The following CDK13 variants were observed in gnomAD, a reference collection of about 807,000 sequenced individuals.
CDK13 encodes cyclin-dependent kinase 13.
CDK13 carries 40 observed loss-of-function variants against 137.6 expected under a neutral mutation model. The ratio of observed to expected loss-of-function variants is 0.29; its 90% CI spans 0.23 to 0.38. The LOEUF is 0.38. Ranked by LOEUF, CDK13 falls within the 10% of genes least tolerant of loss-of-function variation. CDK13 has a pLI of 1.00. For synonymous variants in CDK13, 869 were observed against 760.1 expected (o/e 1.14, Z -2.36); for missense variants, 1,704 against 1,951.8 (o/e 0.87, Z 2.39).
At position 40,088,249 on chromosome 7, in the gene CDK13, G is replaced by A; in HGVS notation, c.3153G>A (p.Leu1051=). ...CCAGGAAGGACTTGTCTCTGGGCTT[G>A]GATGACAGCAGAACCAACACACCCC... ...KAPRKDLSLG[L]DDSRTNTPQG... Residue 1051 remains leucine, a synonymous_variant, in exon 12 of 14, where the codon TTG becomes TTA. Coordinates refer to ENST00000181839, the MANE Select transcript of CDK13 (RefSeq NM_003718.5). 1.2e-6 allele frequency: 2 copies of A among 1,613,940 alleles called. No individual in the cohort carries two copies. The highest frequency in any genetic ancestry group is 1.7e-6 in the Non-Finnish European group (2 of 1,179,906).
rs141274344 is a variant in CDK13 at position 40,037,552 on chromosome 7, T to A, written c.2354-8284T>A. ...GACCTAGACTTGGAAGTCACATCAT[T>A]CACTCTCCAATATTCTGTTGGTCAC... On this transcript the variant is annotated intron_variant, in intron 5 of 13. Coordinates refer to ENST00000181839, the MANE Select transcript of CDK13 (RefSeq NM_003718.5). Among the ~76,000 whole-genome samples, 7 of 152,324 alleles carry A rather than the reference T, an allele frequency of 4.6e-5. No homozygotes were observed. In the East Asian group the frequency reaches 1.2e-3, roughly 25 times the overall value.
At chr7:39,998,030 T>C in intron 3 of CDK13, 2 of 173,406 alleles carry the variant, frequency 1.2e-5, no homozygotes, top group South Asian at 2.7e-4. Context: ...AGCTGCTGTT[T>C]CCTTTGCTTT....
chr7:40,012,741 G>A (rs145215114), intron 5 of CDK13, among the ~76,000 whole-genome samples: 3 of 152,034 alleles, frequency 2.0e-5, no homozygotes, highest in Non-Finnish European at 2.9e-5. Context: ...GTGCAACCCC[G>A]TCTCTACTAA....
At chr7:40,042,961 G>T (rs878785) in intron 5 of CDK13, among the ~76,000 whole-genome samples, 40,604 of 151,698 alleles carry the variant, frequency 0.27, 6,559 homozygotes, top group Middle Eastern at 0.45. Context: ...AATTTCTGTA[G>T]AGACAGGATC....
intron 11 of CDK13, chr7:40,085,612 TAGAA>T (rs1314862844): frequency 4.6e-5 from 7 of 152,534 alleles, no homozygotes; most frequent in African/African-American, 1.7e-4. Flanking sequence ...TACAAACACT[TAGAA>T]AGGAAATTCT....
Position 40,078,845 on chromosome 7 carries a change from C to T in CDK13, c.3023C>T (p.Pro1008Leu). 1 of 1,418,978 alleles carries T rather than the reference C, an allele frequency of 7.0e-7. No homozygotes were observed. The highest frequency in any genetic ancestry group is 2.7e-5 in the East Asian group (1 of 37,022). The allele number at this position is 1,418,978 out of a possible 1,614,324, so 87.9% of individuals were successfully genotyped here. ...GATGTGGAACCCTCAAAAATGCCTC[C>T]ACCAGAGTAAGTGACTTTTTATCCT... ...LRDVEPSKMP[P>L]PDLPLWQDCH... The change falls in exon 11 of 14, where the codon CCA becomes CTA. Residue 1008 changes from proline (P) to leucine (L), a missense_variant. Coordinates refer to ENST00000181839, the MANE Select transcript of CDK13 (RefSeq NM_003718.5).
At position 39,987,823 on chromosome 7, in the gene CDK13, C is replaced by T. The variant is rs752842739; in HGVS notation, c.1436C>T (p.Ala479Val). Residue 479 changes from alanine to valine, a missense_variant, in exon 2 of 14, where the codon GCT becomes GTT. Physicochemically the swap from Ala to Val is moderately conservative, Grantham distance 64. Coordinates refer to ENST00000181839, the MANE Select transcript of CDK13 (RefSeq NM_003718.5). ...GCGAAAGCTGCAGAAGCAACTAAGG[C>T]TGCTGAGGCTGCTGCCAAGGCTGCA... ...EAAKAAEATK[A>V]AEAAAKAAKA... is the part of the protein sequence containing the mutation. 3 of 1,614,114 alleles carry T rather than the reference C, an allele frequency of 1.9e-6. No homozygotes were observed. The highest frequency in any genetic ancestry group is 2.5e-6 in the Non-Finnish European group (3 of 1,180,008).
intron 12 of CDK13, chr7:40,092,109 C>CA (rs140528194): frequency 0.12 from 16,920 of 141,088 alleles, 1,048 homozygotes; most frequent in Middle Eastern, 0.17. Context: ...CCCAAAGTTA[C>CA]AAAAAAAAAA....
At chr7:40,008,375 C>T (rs531913258) in intron 5 of CDK13, among the ~76,000 whole-genome samples, 1 of 152,226 alleles carries the variant, frequency 6.6e-6, no homozygotes, top group Admixed American at 6.5e-5. Context: ...GAATAATGTC[C>T]ATCTAAATAC....
intron 2 of CDK13, among the ~76,000 whole-genome samples, chr7:39,990,291 T>G (rs1372296234): frequency 6.6e-6 from 1 of 152,144 alleles, no homozygotes; most frequent in African/African-American, 2.4e-5. Context: ...TGTTGTCTCT[T>G]CTTTCTTTGA....
At chr7:40,081,464 T>C (rs1786661037) in intron 11 of CDK13, among the ~76,000 whole-genome samples, 2 of 152,204 alleles carry the variant, frequency 1.3e-5, no homozygotes, top group African/African-American at 4.8e-5. Context: ...GTTGAGCAGT[T>C]GTACGTTGTT....
chr7:39,954,826 C>T (rs1301364762), intron 1 of CDK13, among the ~76,000 whole-genome samples: 1 of 152,106 alleles, frequency 6.6e-6, no homozygotes, highest in African/African-American at 2.4e-5. Flanking sequence ...ACCATGTTGC[C>T]CAGGCTGGTG....
At chr7:39,983,510 A>G (rs1297000165) in intron 1 of CDK13, among the ~76,000 whole-genome samples, 1 of 152,262 alleles carries the variant, frequency 6.6e-6, no homozygotes, top group East Asian at 1.9e-4. Flanking sequence ...GTTCAGAAGA[A>G]TGAATTGTGT....
At chr7:40,082,823 G>A (rs1227629928) in intron 11 of CDK13, among the ~76,000 whole-genome samples, 3 of 151,478 alleles carry the variant, frequency 2.0e-5, no homozygotes, top group Admixed American at 6.6e-5. Flanking sequence ...ATTTTAGGCC[G>A]GGTGCAGTGG....
At chr7:40,044,667 C>T (rs966169403) in intron 5 of CDK13, among the ~76,000 whole-genome samples, 8 of 151,522 alleles carry the variant, frequency 5.3e-5, no homozygotes, top group African/African-American at 1.2e-4. Flanking sequence ...GACGGAGTCT[C>T]GCTCTGTCAC....
At position 39,976,321 on chromosome 7, in the gene CDK13, TCTCACACACA is replaced by T. The variant is rs1435281241; in HGVS notation, c.1212-11276_1212-11267del. Reference sequence around the variant, plus strand: ...CTCTCTCTCTCTCTCTCTCTCTCTCTCTCACACACACACACACACACACACACACACACAC... The same window carrying T: ...CTCTCTCTCTCTCTCTCTCTCTCTCTCACACACACACACACACACACACAC... On this transcript the variant is annotated intron_variant, in intron 1 of 13. Coordinates refer to ENST00000181839, the MANE Select transcript of CDK13 (RefSeq NM_003718.5). Among the ~76,000 whole-genome samples, 29 of 36,010 alleles carry T rather than the reference TCTCACACACA, an allele frequency of 8.1e-4. No homozygotes were observed. The Middle Eastern group carries it at 0.052, about 64-fold the overall frequency. 23.6% of individuals were successfully genotyped at this position (36,010 alleles called of 152,430 possible). A position where few individuals can be genotyped will look rare whatever the true frequency, so the allele number is the denominator to read the frequency against.
chr7:40,054,766 G>A (rs1421220809), intron 7 of CDK13, among the ~76,000 whole-genome samples: 3 of 152,092 alleles, frequency 2.0e-5, no homozygotes, highest in Non-Finnish European at 4.4e-5. Context: ...AATCACTTAA[G>A]GTTTAAGGAA....
intron 1 of CDK13, among the ~76,000 whole-genome samples, chr7:39,957,347 T>C (rs1026819089): frequency 2.9e-5 from 3 of 102,184 alleles, no homozygotes; most frequent in African/African-American, 8.5e-5. Context: ...TTGTAGAGTT[T>C]TAAAAAATTC....
At chr7:40,018,114 A>ACAAAAACATTT (rs1785040753) in intron 5 of CDK13, among the ~76,000 whole-genome samples, 1 of 152,002 alleles carries the variant, frequency 6.6e-6, no homozygotes, top group South Asian at 2.1e-4. Flanking sequence ...TTTTAGATGG[A>ACAAAAACATTT]TATGAGGTCT....
Sources: allele counts gnomAD v4.1 joint callset (sites outside exome capture counted in the v4.1 genomes callset), GRCh38; gene constraint gnomAD v4.1.1; transcripts MANE v1.5; gene names NCBI Gene and HGNC (gene_info 2026-07-23, HGNC 2026-07-21).